Variants in BAIAP2L1 observed in about 807,000 individuals in gnomAD.
BAIAP2L1 encodes the protein BAR/IMD domain-containing adapter protein 2-like 1.
A neutral mutation model predicts 66.3 loss-of-function variants in BAIAP2L1; 35 were observed. The observed-to-expected ratio is 0.53, with a 90% CI of 0.40 to 0.70. The LOEUF is 0.70. Ranked by LOEUF, BAIAP2L1 falls within the 30% of genes least tolerant of loss-of-function variation. The probability of loss-of-function intolerance (pLI) is 0.00; values close to 1 mark genes in which losing one functional copy is unlikely to be tolerated. For missense variants in BAIAP2L1, 622 were observed against 656.9 expected, an observed-to-expected ratio of 0.95 and a Z score of 0.58; for synonymous variants, 269 against 248.7, an observed-to-expected ratio of 1.08 and a Z score of -0.77.
At chr7:98,393,086 TA>T (rs1267711023) in intron 1 of BAIAP2L1, among the ~76,000 whole-genome samples, 1 of 111,012 alleles carries the variant, frequency 9.0e-6, no homozygotes, top group Non-Finnish European at 1.8e-5. Flanking sequence ...CACACACATA[TA>T]TACATATATA....
intron 3 of BAIAP2L1, among the ~76,000 whole-genome samples, chr7:98,353,568 ATAT>A (rs1289193714): frequency 2.4e-4 from 33 of 137,562 alleles, no homozygotes; most frequent in Non-Finnish European, 4.1e-4. Context: ...ATGTATATTA[ATAT>A]TATAAATACA....
At position 98,336,146 on chromosome 7, in the gene BAIAP2L1, G is replaced by C. The variant is rs534188736; in HGVS notation, c.215-15848C>G. Among the ~76,000 whole-genome samples, 14 of 152,008 alleles carry C rather than the reference G, an allele frequency of 9.2e-5. No homozygotes were observed. The South Asian group carries it at 1.0e-3, about 11-fold the overall frequency. Reference sequence around the variant, plus strand: ...ACAACAGACACTGGGGACTATGAGGGGGGGTGGGAGAGAGGGGAATAAGGG... The same window carrying C: ...ACAACAGACACTGGGGACTATGAGGCGGGGTGGGAGAGAGGGGAATAAGGG... On this transcript the variant is annotated intron_variant, in intron 3 of 13. Coordinates refer to ENST00000005260, the MANE Select transcript of BAIAP2L1 (RefSeq NM_018842.5).
chr7:98,346,306 T>C (rs1584473770), intron 3 of BAIAP2L1, among the ~76,000 whole-genome samples: 1 of 151,796 alleles, frequency 6.6e-6, no homozygotes, highest in South Asian at 2.1e-4. Context: ...AAAGAATGAG[T>C]CTATAAAAAA....
chr7:98,367,781 G>A (rs181318408), intron 1 of BAIAP2L1, among the ~76,000 whole-genome samples: 1 of 151,928 alleles, frequency 6.6e-6, no homozygotes, highest in African/African-American at 2.4e-5. Flanking sequence ...ATCCACTGCG[G>A]CCAGCCCAAT....
chr7:98,388,385 C>T (rs539121060), intron 1 of BAIAP2L1, among the ~76,000 whole-genome samples: 17 of 152,278 alleles, frequency 1.1e-4, no homozygotes, highest in African/African-American at 3.6e-4. Context: ...CCCGGCTACT[C>T]GGGAGGCCAA....
At chr7:98,359,423 C>T (rs190205908) in intron 2 of BAIAP2L1, among the ~76,000 whole-genome samples, 8 of 152,250 alleles carry the variant, frequency 5.3e-5, no homozygotes, top group Admixed American at 4.6e-4. Flanking sequence ...CAGGCACCCG[C>T]CACCACGCCT....
At chr7:98,323,343 C>T (rs1469784741) in intron 3 of BAIAP2L1, 2 of 152,122 alleles carry the variant, frequency 1.3e-5, no homozygotes, top group Admixed American at 6.6e-5. Context: ...CAACAAAACC[C>T]GCTCCAGTTA....
chr7:98,369,285 C>A (rs1802456956), intron 1 of BAIAP2L1, among the ~76,000 whole-genome samples: 1 of 152,120 alleles, frequency 6.6e-6, no homozygotes, highest in African/African-American at 2.4e-5. Flanking sequence ...GAATTCGAGA[C>A]TAGCCTGGGC....
intron 10 of BAIAP2L1, chr7:98,307,433 G>C: frequency 7.5e-7 from 1 of 1,336,340 alleles, no homozygotes; most frequent in East Asian, 3.2e-5. Flanking sequence ...AAAAACAAAA[G>C]AATGTTTAAA....
chr7:98,315,634 T>TAATAAA, intron 6 of BAIAP2L1, 22 bp from the exon 7 acceptor site: 1 of 1,076,450 alleles, frequency 9.3e-7, no homozygotes, highest in Non-Finnish European at 1.2e-6. Flanking sequence ...AAAATAATAA[T>TAATAAA]AATAATAATT....
Position 98,400,865 on chromosome 7 carries a change from C to T in BAIAP2L1, c.-13G>A, listed in dbSNP as rs1336708954. 13 of 1,536,450 alleles carry T rather than the reference C, an allele frequency of 8.5e-6. No individual in the cohort carries two copies. The highest frequency in any genetic ancestry group is 8.8e-6 in the Non-Finnish European group (10 of 1,140,672). On this transcript the variant is annotated 5_prime_UTR_variant, in exon 1 of 14. Coordinates refer to ENST00000005260, the MANE Select transcript of BAIAP2L1 (RefSeq NM_018842.5). ...GCCCCCGGGACATGGCTGCGGCCGC[C>T]GGGCGAGCAAGCGCGGGAGGACGCG...
intron 1 of BAIAP2L1, among the ~76,000 whole-genome samples, chr7:98,385,633 C>T (rs1281629284): frequency 6.6e-6 from 1 of 151,850 alleles, no homozygotes; most frequent in African/African-American, 2.4e-5. Flanking sequence ...AGGCTGGTCT[C>T]GAACTCCTGA....
At chr7:98,325,581 G>A (rs1403415365) in intron 3 of BAIAP2L1, among the ~76,000 whole-genome samples, 1 of 151,900 alleles carries the variant, frequency 6.6e-6, no homozygotes, top group Non-Finnish European at 1.5e-5. Flanking sequence ...AGGAGGCTGA[G>A]GTAGGAGAAC....
intron 9 of BAIAP2L1, 117 bp downstream of exon 9, chr7:98,310,328 A>G (rs1800820807): frequency 1.7e-6 from 2 of 1,176,632 alleles, no homozygotes; most frequent in Non-Finnish European, 2.4e-6. Flanking sequence ...TGTATCTACC[A>G]TACCTGCTTG....
Position 98,393,098 on chromosome 7 carries a change from C to T in BAIAP2L1, c.51+7704G>A, listed in dbSNP as rs369091360. ...ATACACACACATATATACATATATA[C>T]GTGTACATATATGTACACATATATG... On this transcript the variant is annotated intron_variant, in intron 1 of 13. Transcript: ENST00000005260. Among the ~76,000 whole-genome samples the T allele has an allele frequency of 7.9e-5, 8 of 101,886 alleles. 1 individual carries two copies. Among genetic ancestry groups the T allele is most frequent in the Middle Eastern group, 5.0e-3 (1 of 202 alleles). 66.8% of individuals were successfully genotyped at this position (101,886 alleles called of 152,430 possible). A position where few individuals can be genotyped will look rare whatever the true frequency, so the allele number is the denominator to read the frequency against.
chr7:98,357,137 T>C, intron 2 of BAIAP2L1, among the ~76,000 whole-genome samples: 1 of 137,332 alleles, frequency 7.3e-6, no homozygotes, highest in Non-Finnish European at 1.5e-5. Context: ...TCCTCTTGCC[T>C]GAGTCACCCA....
At chr7:98,356,957 C>T (rs1802135523) in intron 2 of BAIAP2L1, among the ~76,000 whole-genome samples, 1 of 120,704 alleles carries the variant, frequency 8.3e-6, no homozygotes, top group African/African-American at 3.2e-5. Context: ...AACTGTACCA[C>T]TGTACTCCAG....
At chr7:98,296,619 A>G (rs11772293) in intron 12 of BAIAP2L1, among the ~76,000 whole-genome samples, 62,036 of 152,096 alleles carry the variant, frequency 0.41, 13,651 homozygotes, top group Middle Eastern at 0.54. Context: ...GTGAGACTCC[A>G]TCTGTAAAAA....
intron 3 of BAIAP2L1, among the ~76,000 whole-genome samples, chr7:98,353,410 ATAT>A (rs1244275954): frequency 7.3e-6 from 1 of 136,488 alleles, no homozygotes. Context: ...CATAATATAT[ATAT>A]TATAAATATA....
Sources: allele counts gnomAD v4.1 joint callset (sites outside exome capture counted in the v4.1 genomes callset), GRCh38; gene constraint gnomAD v4.1.1; transcripts MANE v1.5; gene names NCBI Gene and HGNC (gene_info 2026-07-23, HGNC 2026-07-21).